Variants in CFTR observed in about 807,000 individuals in gnomAD.
CFTR encodes the protein CF transmembrane conductance regulator.
Under a neutral mutation model 171.6 loss-of-function variants are expected in CFTR, and 181 were observed. That is an observed-to-expected ratio of 1.05 (90% CI 0.93 to 1.19). The LOEUF (loss-of-function observed/expected upper bound fraction) is 1.19, where lower values mean the gene tolerates loss of function less well. Ranked by LOEUF, CFTR falls within the 50% of genes most tolerant of loss-of-function variation. The pLI, the probability that CFTR is intolerant of heterozygous loss-of-function variation, is 0.00. For missense variants in CFTR, 1,968 were observed against 1,734.7 expected (o/e 1.13, Z -2.39); for synonymous variants, 583 against 608.0 (o/e 0.96, Z 0.60).
At chr7:117,609,597 T>A (rs1475429141) in intron 18 of CFTR, among the ~76,000 whole-genome samples, 1 of 152,164 alleles carries the variant, frequency 6.6e-6, no homozygotes, top group African/African-American at 2.4e-5. Flanking sequence ...TATTTCAATG[T>A]TAAGCATGAG....
chr7:117,638,172 C>G (rs1386840170), intron 22 of CFTR, among the ~76,000 whole-genome samples: 7 of 152,298 alleles, frequency 4.6e-5, no homozygotes, highest in Non-Finnish European at 1.0e-4. Flanking sequence ...AACTGCCTGT[C>G]TCCCATTTTG....
chr7:117,539,636 A>G (rs1445882264), intron 7 of CFTR, among the ~76,000 whole-genome samples: 4 of 152,130 alleles, frequency 2.6e-5, no homozygotes, highest in South Asian at 2.1e-4. Flanking sequence ...AGAATCCATT[A>G]GACAATCACA....
chr7:117,658,805 C>G (rs1793220643), intron 24 of CFTR, among the ~76,000 whole-genome samples: 1 of 152,150 alleles, frequency 6.6e-6, no homozygotes, highest in Admixed American at 6.5e-5. Flanking sequence ...CCACTATTAA[C>G]ACTTGCACAA....
chr7:117,508,723 G>A (rs762754197), intron 2 of CFTR, among the ~76,000 whole-genome samples: 2 of 152,334 alleles, frequency 1.3e-5, no homozygotes, highest in Middle Eastern at 3.4e-3. Context: ...ATGAGCATTC[G>A]TAAAAGCCTT....
Position 117,592,361 on chromosome 7 carries a change from T to G in CFTR, c.2194T>G (p.Leu732Val), listed in dbSNP as rs2116032346. The G allele has an allele frequency of 6.2e-7, 1 of 1,614,188 alleles. No homozygotes were observed. The highest frequency in any genetic ancestry group is 2.2e-5 in the East Asian group (1 of 44,892). Residue 732 changes from leucine (L) to valine (V), a missense_variant, in exon 14 of 27, where the codon TTA becomes GTA. Leu to Val is a conservative substitution (Grantham distance 32). Transcript: ENST00000003084. The part of the protein sequence containing the change: ...NGIEEDSDEP[L>V]ERRLSLVPDS... ...CATCGAAGAGGATTCTGATGAGCCTTTAGAGAGAAGGCTGTCCTTAGTACC... is the reference window on the plus strand; with the variant it reads ...CATCGAAGAGGATTCTGATGAGCCTGTAGAGAGAAGGCTGTCCTTAGTACC...
intron 3 of CFTR, among the ~76,000 whole-genome samples, chr7:117,520,265 G>GTT (rs200994526): frequency 1.5e-4 from 18 of 122,914 alleles, no homozygotes; most frequent in South Asian, 2.6e-4. Flanking sequence ...TTTCTAGTGA[G>GTT]TTTTTTTTTT....
chr7:117,496,020 C>T (rs184482103), intron 1 of CFTR, among the ~76,000 whole-genome samples: 30 of 152,260 alleles, frequency 2.0e-4, no homozygotes, highest in Non-Finnish European at 2.8e-4. Flanking sequence ...TATTAGCAGT[C>T]ATTCCTTATT....
rs771022957 is a variant in CFTR, at chr7:117,627,584, G to A, written c.3531G>A (p.Lys1177=). The A allele has an allele frequency of 1.2e-6, 2 of 1,613,394 alleles. No individual in the cohort carries two copies. Among genetic ancestry groups the A allele is most frequent in the Non-Finnish European group, 1.7e-6 (2 of 1,179,522 alleles). Reference sequence around the variant, plus strand: ...TGCCAACAGAAGGTAAACCTACCAAGTCAACCAAACCATACAAGAATGGCC... The same window carrying A: ...TGCCAACAGAAGGTAAACCTACCAAATCAACCAAACCATACAAGAATGGCC... ...IDMPTEGKPT[K]STKPYKNGQL... Residue 1177 remains lysine (K), a synonymous_variant, in exon 22 of 27, where the codon AAG becomes AAA. Transcript: ENST00000003084.
intron 22 of CFTR, among the ~76,000 whole-genome samples, chr7:117,631,030 G>A (rs898162159): frequency 3.3e-5 from 5 of 152,014 alleles, no homozygotes; most frequent in Admixed American, 6.6e-5. Flanking sequence ...CAGAGACAGG[G>A]TCTCACTATG....
Position 117,548,638 on chromosome 7 carries a change from C to T in CFTR, c.1210-3C>T, listed in dbSNP as rs1324592887. The T allele has an allele frequency of 2.5e-6, 4 of 1,609,524 alleles. No individual in the cohort carries two copies. The highest frequency in any genetic ancestry group is 3.4e-6 in the Non-Finnish European group (4 of 1,177,968). On this transcript the variant is annotated splice_polypyrimidine_tract_variant and splice_region_variant and intron_variant, in intron 9 of 26. Transcript: ENST00000003084. ...TGTGTGTGTGTGTGTGTTTTTTTAA[C>T]AGGGATTTGGGGAATTATTTGAGAA... is the stretch of plus-strand genomic sequence containing the variant.
rs35516286 is a variant in CFTR at position 117,531,068 on chromosome 7, T to A, written c.443T>A (p.Ile148Asn). Residue 148 changes from isoleucine (I) to asparagine (N), a missense_variant, in exon 4 of 27, where the codon ATT (isoleucine) becomes AAT (asparagine). By Grantham distance (149) the Ile-to-Asn change is moderately radical. Transcript: ENST00000003084. The part of the protein sequence containing the change: ...LHPAIFGLHH[I>N]GMQMRIAMFS... ...CCAGCCATTTTTGGCCTTCATCACA[T>A]TGGAATGCAGATGAGAATAGCTATG... The A allele has an allele frequency of 3.1e-6, 5 of 1,613,594 alleles. No individual in the cohort carries two copies. Among genetic ancestry groups the A allele is most frequent in the Admixed American group, 3.3e-5 (2 of 59,882 alleles).
chr7:117,602,990 A>C, intron 16 of CFTR, 127 bp downstream of exon 16: 2 of 955,908 alleles, frequency 2.1e-6, no homozygotes, highest in Non-Finnish European at 3.4e-6. Flanking sequence ...TGGTAGTGGA[A>C]AGATAAGGTT....
chr7:117,604,678 A>G (rs1306368166), intron 17 of CFTR: 1 of 152,220 alleles, frequency 6.6e-6, no homozygotes, highest in Non-Finnish European at 1.5e-5. Flanking sequence ...ATGTAGGAAG[A>G]TCTTGATATT....
intron 24 of CFTR, 33 bp from the exon 25 acceptor site, chr7:117,664,655 C>G (rs767925339): frequency 3.8e-6 from 6 of 1,598,300 alleles, no homozygotes; most frequent in Non-Finnish European, 5.1e-6. Context: ...GTTTTTAACT[C>G]TGTGGTATCT....
At chr7:117,553,563 A>G (rs1799305443) in intron 10 of CFTR, among the ~76,000 whole-genome samples, 10 of 152,204 alleles carry the variant, frequency 6.6e-5, no homozygotes, top group African/African-American at 2.4e-5. Context: ...AGCATTACTA[A>G]CAGATGATAT....
intron 6 of CFTR, 80 bp downstream of exon 6, chr7:117,535,491 C>T (rs1472843337): frequency 1.9e-6 from 2 of 1,066,928 alleles, no homozygotes; most frequent in Non-Finnish European, 2.9e-6. Flanking sequence ...CAGGACTGCT[C>T]TATGCATAGA....
chr7:117,568,635 G>T (rs909815053), intron 11 of CFTR, among the ~76,000 whole-genome samples: 1 of 152,020 alleles, frequency 6.6e-6, no homozygotes, highest in African/African-American at 2.4e-5. Flanking sequence ...ACAATTGTAG[G>T]TATATGTCAT....
chr7:117,630,502 A>G (rs1792724630), intron 22 of CFTR, among the ~76,000 whole-genome samples: 2 of 152,180 alleles, frequency 1.3e-5, no homozygotes, highest in Non-Finnish European at 2.9e-5. Context: ...GCACACAGAT[A>G]CATTGAAGCA....
Position 117,594,925 on chromosome 7 carries a change from T to C in CFTR, c.2491-5T>C. The C allele has an allele frequency of 6.2e-7, 1 of 1,612,790 alleles. No individual in the cohort carries two copies. Among genetic ancestry groups the C allele is most frequent in the Non-Finnish European group, 8.5e-7 (1 of 1,179,162 alleles). On this transcript the variant is annotated splice_region_variant and splice_polypyrimidine_tract_variant and intron_variant, in intron 14 of 26. Transcript: ENST00000003084. ...TATTGTAATAGCCATAATTCTTTTA[T>C]TCAGGAGTGCTTTTTTGATGATATG...
Sources: allele counts gnomAD v4.1 joint callset (sites outside exome capture counted in the v4.1 genomes callset), GRCh38; gene constraint gnomAD v4.1.1; transcripts MANE v1.5; gene names NCBI Gene and HGNC (gene_info 2026-07-23, HGNC 2026-07-21).